The following NBPF9 variants were observed in gnomAD, a reference collection of about 807,000 sequenced individuals.
The protein encoded by NBPF9 is NBPF family member NBPF9.
NBPF9 carries 91 observed loss-of-function variants against 97.8 expected under a neutral mutation model. The ratio of observed to expected loss-of-function variants is 0.93; its 90% CI spans 0.79 to 1.11. The LOEUF is 1.11. Ranked by LOEUF, NBPF9 falls within the 50% of genes least tolerant of loss-of-function variation. NBPF9 has a pLI of 0.00. For missense variants in NBPF9, 992 were observed against 939.5 expected (o/e 1.06, Z -0.73); for synonymous variants, 334 against 359.5 (o/e 0.93, Z 0.80).
intron 20 of NBPF9, 86 bp from the exon 21 acceptor site, chr1:149,062,999 C>G (rs1473327047): frequency 1.6e-6 from 1 of 612,342 alleles, no homozygotes; most frequent in Non-Finnish European, 2.9e-6. Flanking sequence ...CACACAGGGA[C>G]TTCAGGCTCC....
At chr1:149,073,318 G>A (rs3979912) in intron 13 of NBPF9, among the ~76,000 whole-genome samples, 2 of 140,852 alleles carry the variant, frequency 1.4e-5, no homozygotes, top group Non-Finnish European at 3.0e-5. Context: ...ATGAGGCCAG[G>A]GGCAGATGGG....
intron 27 of NBPF9, among the ~76,000 whole-genome samples, chr1:149,057,774 G>A (rs1433382006): frequency 1.6e-4 from 15 of 95,280 alleles, no homozygotes; most frequent in African/African-American, 4.6e-4. Context: ...GAGAGAGAGA[G>A]AACGAGCTCA....
intron 3 of NBPF9, among the ~76,000 whole-genome samples, chr1:149,100,563 T>C (rs1299045959): frequency 5.9e-5 from 9 of 151,542 alleles, no homozygotes; most frequent in Non-Finnish European, 8.9e-5. Flanking sequence ...AGAAAAAAAG[T>C]GCCAAACAGT....
At chr1:149,073,406 C>T (rs1472464077) in intron 13 of NBPF9, among the ~76,000 whole-genome samples, 26 of 141,244 alleles carry the variant, frequency 1.8e-4, no homozygotes, top group African/African-American at 5.9e-4. Flanking sequence ...AATGAGAAGC[C>T]GCAGTCAGTC....
chr1:149,073,845 T>C (rs1575840530), exon 13 of NBPF9: 1 of 1,488,388 alleles, frequency 6.7e-7, no homozygotes, highest in Non-Finnish European at 9.3e-7. Flanking sequence ...GCATAAATTT[T>C]ATGAGGTCTT....
At chr1:149,075,552 T>A in intron 12 of NBPF9, 103 bp downstream of exon 12, 1 of 1,390,172 alleles carries the variant, frequency 7.2e-7, no homozygotes, top group Admixed American at 1.7e-5. Flanking sequence ...CCTAGAAGTA[T>A]GGGGAGGATG....
chr1:149,064,921 G>A (rs1294963616), intron 18 of NBPF9: 5 of 524,164 alleles, frequency 9.5e-6, no homozygotes, highest in African/African-American at 5.8e-5. Flanking sequence ...AATGTAACTT[G>A]GTTCTACACA....
At chr1:149,074,907 G>T (rs2079726148) in intron 12 of NBPF9, among the ~76,000 whole-genome samples, 1 of 151,164 alleles carries the variant, frequency 6.6e-6, no homozygotes, top group Non-Finnish European at 1.5e-5. Context: ...AGCCTCCTGG[G>T]TTCAAAGGAT....
At chr1:149,063,363 A>G (rs2078766812) in intron 20 of NBPF9, among the ~76,000 whole-genome samples, 2 of 128,534 alleles carry the variant, frequency 1.6e-5, no homozygotes, top group East Asian at 3.6e-4. Context: ...AGTTGTGTGA[A>G]TTTGTCACAT....
chr1:149,064,933 T>A lies in NBPF9; in HGVS notation c.1802-451A>T, dbSNP rs1168894784. On this transcript the variant is annotated intron_variant, in intron 18 of 29. Transcript: ENST00000584027. ...CAAAATGTAACTTGGTTCTACACAGTAGCATCAGCTATTATGGCTTTTGTG... is the reference window on the plus strand; with the variant it reads ...CAAAATGTAACTTGGTTCTACACAGAAGCATCAGCTATTATGGCTTTTGTG... The A allele has an allele frequency of 5.1e-5, 27 of 534,440 alleles. 1 individual carries two copies. Among genetic ancestry groups the A allele is most frequent in the South Asian group, 3.6e-4 (17 of 47,346 alleles). The allele number at this position is 534,440 out of a possible 1,614,324, so 33.1% of individuals were successfully genotyped here.
chr1:149,094,874 A>G (rs1246134426), intron 4 of NBPF9, among the ~76,000 whole-genome samples: 2 of 145,170 alleles, frequency 1.4e-5, no homozygotes, highest in Non-Finnish European at 2.9e-5. Flanking sequence ...AGCAAGTGGG[A>G]GGAGCACTTA....
chr1:149,055,722 C>T (rs587775961), exon 30 of NBPF9: 3 of 1,611,852 alleles, frequency 1.9e-6, no homozygotes, highest in South Asian at 1.1e-5. Flanking sequence ...AAGTAAAAAA[C>T]CTATTGTCCA....
At chr1:149,079,851 AAAC>A (rs2152906333) in intron 8 of NBPF9, among the ~76,000 whole-genome samples, 199 bp downstream of exon 8, 1 of 152,390 alleles carries the variant, frequency 6.6e-6, no homozygotes, top group South Asian at 2.1e-4. Context: ...GAAAAAGAGA[AAAC>A]AAGGCTCTAA....
rs587662760 is a variant in NBPF9 at position 149,064,063 on chromosome 1, G to A, written c.1854-258C>T. ...AGAGCGAGCTGAGTGATTTGGTCAG[G>A]TGACACACTGATGAGGGAGTCAAAG... On this transcript the variant is annotated intron_variant, in intron 19 of 29. Transcript: ENST00000584027. Among the ~76,000 whole-genome samples, 30 of 136,964 alleles carry A rather than the reference G, an allele frequency of 2.2e-4. 1 individual carries two copies. Among genetic ancestry groups the A allele is most frequent in the African/African-American group, 7.8e-4 (27 of 34,452 alleles). The allele number at this position is 136,964 out of a possible 152,430, so 89.9% of individuals were successfully genotyped here. A position where few individuals can be genotyped will look rare whatever the true frequency, so the allele number is the denominator to read the frequency against.
chr1:149,088,048 G>A (rs1340358689), intron 5 of NBPF9, among the ~76,000 whole-genome samples: 4 of 151,810 alleles, frequency 2.6e-5, no homozygotes, highest in Non-Finnish European at 5.9e-5. Flanking sequence ...AGGCATGATG[G>A]TCTCCATCTC....
chr1:149,062,593 C>T (rs587760292), intron 21 of NBPF9, among the ~76,000 whole-genome samples: 34 of 137,750 alleles, frequency 2.5e-4, no homozygotes, highest in Middle Eastern at 3.9e-3. Context: ...AAAGAGTGGG[C>T]TCAATAATTT....
intron 13 of NBPF9, 76 bp downstream of exon 13, chr1:149,073,692 C>T (rs1168794922): frequency 4.3e-5 from 50 of 1,153,476 alleles, no homozygotes; most frequent in East Asian, 1.4e-4. Flanking sequence ...TTAGCTCTTA[C>T]GTCTCCCCAC....
At chr1:149,078,912 A>C in intron 9 of NBPF9, 95 bp downstream of exon 9, 2 of 1,583,778 alleles carry the variant, frequency 1.3e-6, no homozygotes, top group South Asian at 1.1e-5. Flanking sequence ...GCAGAAAAAA[A>C]CCCCACTGAT....
chr1:149,073,208 A>G (rs2079558989), intron 13 of NBPF9, among the ~76,000 whole-genome samples: 1 of 148,492 alleles, frequency 6.7e-6, no homozygotes, highest in South Asian at 2.2e-4. Context: ...TCCATTTCAA[A>G]AAGACATCCT....
Sources: allele counts gnomAD v4.1 joint callset (sites outside exome capture counted in the v4.1 genomes callset), GRCh38; gene constraint gnomAD v4.1.1; transcripts MANE v1.5; gene names NCBI Gene and HGNC (gene_info 2026-07-23, HGNC 2026-07-21).